Variants in SFRP2 observed in about 807,000 individuals in gnomAD.
The protein encoded by SFRP2 is secreted frizzled related protein 2.
Under a neutral mutation model 26.0 loss-of-function variants are expected in SFRP2, and 16 were observed. The observed-to-expected ratio is 0.61, with a 90% CI of 0.42 to 0.93. SFRP2 has a LOEUF of 0.93. Ranked by LOEUF, SFRP2 falls within the 40% of genes least tolerant of loss-of-function variation. SFRP2 has a pLI of 0.00. For missense variants in SFRP2, 343 were observed against 392.4 expected (o/e 0.87, Z 1.06); for synonymous variants, 173 against 167.3 (o/e 1.03, Z -0.26).
In SFRP2 at chr4:153,788,842, C is replaced by G. The variant is rs547848450; in HGVS notation, c.-7G>C. 1.9e-6 allele frequency: 3 copies of G among 1,576,330 alleles called. No homozygotes were observed. In the South Asian group the frequency reaches 3.4e-5, roughly 18 times the overall value. The stretch of plus-strand genomic sequence containing the variant: ...AGCCAGGGCCCTGCAGCATCGTGGG[C>G]GCGCGACCCCGAGGGGGCAGAGGGA... On this transcript the variant is annotated 5_prime_UTR_variant, in exon 1 of 3. Coordinates refer to ENST00000274063, the MANE Select transcript of SFRP2 (RefSeq NM_003013.3).
intron 2 of SFRP2, 62 bp from the exon 3 acceptor site, chr4:153,781,817 C>G (rs977967816): frequency 5.0e-6 from 7 of 1,404,886 alleles, no homozygotes; most frequent in East Asian, 2.3e-5. Context: ...ATACCTCCCC[C>G]CATTCTGCCA....
chr4:153,789,049 C>T lies in SFRP2; in HGVS notation c.-214G>A. 1.9e-6 allele frequency: 1 copy of T among 518,696 alleles called. No individual in the cohort carries two copies. The highest frequency in any genetic ancestry group is 3.3e-6 in the Non-Finnish European group (1 of 305,030). The allele number at this position is 518,696 out of a possible 1,614,324, so 32.1% of individuals were successfully genotyped here. On this transcript the variant is annotated 5_prime_UTR_variant, in exon 1 of 3. Transcript: ENST00000274063. Reference sequence around the variant, plus strand: ...GCCCGCGCGCAGCTCCGGGGGGCTCCGACCCGGGGGAGCAGAATGAGCCGT... The same window carrying T: ...GCCCGCGCGCAGCTCCGGGGGGCTCTGACCCGGGGGAGCAGAATGAGCCGT...
Sources: gnomAD v4.1 joint callset for allele counts on GRCh38, gnomAD v4.1.1 for gene constraint, MANE v1.5 for transcripts, NCBI Gene and HGNC (gene_info 2026-07-23, HGNC 2026-07-21) for gene names.